The following PLEKHM3 variants were observed in gnomAD, a reference collection of about 807,000 sequenced individuals.
The protein encoded by PLEKHM3 is pleckstrin homology domain-containing family M member 3.
PLEKHM3 carries 45 observed loss-of-function variants against 81.8 expected under a neutral mutation model. The observed-to-expected ratio is 0.55, with a 90% confidence interval of 0.43 to 0.71. The LOEUF (loss-of-function observed/expected upper bound fraction) is 0.71, where lower values mean the gene tolerates loss of function less well. PLEKHM3 is among the 30% of genes least tolerant of loss of function. The pLI, the probability that PLEKHM3 is intolerant of heterozygous loss-of-function variation, is 0.00. For synonymous variants in PLEKHM3, 352 were observed against 356.4 expected (o/e 0.99, Z 0.14); for missense variants, 788 against 924.3 (o/e 0.85, Z 1.91).
rs915651218 is a variant in PLEKHM3 at position 207,976,135 on chromosome 2, C to A, written c.1546+516G>T. ...CATCATTTACTCCGCTTTTAGCCACCCCCACATTTTCTGTCAAGACTGATT... is the reference window on the plus strand; with the variant it reads ...CATCATTTACTCCGCTTTTAGCCACACCCACATTTTCTGTCAAGACTGATT... On this transcript the variant is annotated intron_variant, in intron 3 of 7. Transcript: ENST00000427836. This position sits in a 1 kb window ranked among gnomAD's most constrained non-coding sequence, Gnocchi z 4.1. 2.0e-5 allele frequency among the ~76,000 whole-genome samples: 3 copies of A among 152,134 alleles called. No homozygotes were observed. Among genetic ancestry groups the A allele is most frequent in the African/African-American group, 7.2e-5 (3 of 41,414 alleles).
intron 7 of PLEKHM3, among the ~76,000 whole-genome samples, chr2:207,859,114 T>C (rs1213554402): frequency 1.3e-5 from 2 of 151,296 alleles, no homozygotes; most frequent in African/African-American, 4.9e-5. Flanking sequence ...TTGCAGCATG[T>C]ATCAGTACGT....
intron 6 of PLEKHM3, among the ~76,000 whole-genome samples, chr2:207,865,887 GATC>G (rs1463258207): frequency 1.5e-5 from 2 of 130,496 alleles, no homozygotes; most frequent in Admixed American, 8.5e-5. Flanking sequence ...ATGTAAATAT[GATC>G]ATATAATATG....
chr2:207,941,690 C>A (rs1439328502), intron 4 of PLEKHM3, among the ~76,000 whole-genome samples: 1 of 152,050 alleles, frequency 6.6e-6, no homozygotes, highest in Non-Finnish European at 1.5e-5. Context: ...AGACAATGTA[C>A]AAAATGGAAG....
chr2:208,001,765 G>A lies in PLEKHM3; in HGVS notation c.-126C>T. 2 of 1,469,124 alleles carry A rather than the reference G, an allele frequency of 1.4e-6. No individual in the cohort carries two copies. The highest frequency in any genetic ancestry group is 1.8e-6 in the Non-Finnish European group (2 of 1,106,926). The allele number at this position is 1,469,124 out of a possible 1,614,324, so 91.0% of individuals were successfully genotyped here. On this transcript the variant is annotated 5_prime_UTR_variant, in exon 2 of 8. Coordinates refer to ENST00000427836, the MANE Select transcript of PLEKHM3 (RefSeq NM_001080475.3). ...GAAACAACTGGAAGAAACCTTCATT[G>A]GGCTCCCTGGAGCAGGCCAAACCCA...
intron 7 of PLEKHM3, among the ~76,000 whole-genome samples, chr2:207,837,761 ATTTT>A (rs1194861994): frequency 0.42 from 31,531 of 75,598 alleles, 9,080 homozygotes; most frequent in African/African-American, 0.57. Flanking sequence ...CGGTTCTTCC[ATTTT>A]TTTTTTTTTT....
chr2:207,881,494 G>A (rs1053833647), intron 6 of PLEKHM3, among the ~76,000 whole-genome samples: 2 of 152,180 alleles, frequency 1.3e-5, no homozygotes, highest in African/African-American at 4.8e-5. Flanking sequence ...CGGAGGAGCT[G>A]GGACTCAAAC....
intron 6 of PLEKHM3, among the ~76,000 whole-genome samples, chr2:207,866,070 T>A (rs2092499083): frequency 6.6e-6 from 1 of 151,936 alleles, no homozygotes. Flanking sequence ...TAGATGTCAG[T>A]CTTTTTTCTT....
Position 207,974,288 on chromosome 2 carries a change from G to A in PLEKHM3, c.1546+2363C>T, listed in dbSNP as rs538193026. Reference sequence around the variant, plus strand: ...TCCTGATTTCATTTCTCCAGCTGCCGGATGCGAATGAGCTTGCTGAATGGC... The same window carrying A: ...TCCTGATTTCATTTCTCCAGCTGCCAGATGCGAATGAGCTTGCTGAATGGC... On this transcript the variant is annotated intron_variant, in intron 3 of 7. Transcript: ENST00000427836. Among the ~76,000 whole-genome samples, 677 of 152,058 alleles carry A rather than the reference G, an allele frequency of 4.5e-3. 3 individuals are homozygous for A. The highest frequency in any genetic ancestry group is 7.9e-3 in the Non-Finnish European group (537 of 68,012).
At chr2:208,015,910 C>G (rs1484366933) in intron 1 of PLEKHM3, among the ~76,000 whole-genome samples, 2 of 152,162 alleles carry the variant, frequency 1.3e-5, no homozygotes, top group African/African-American at 2.4e-5. Flanking sequence ...AAATAAATCG[C>G]TGGCCAGGCA....
Position 208,021,409 on chromosome 2 carries a change from T to TA in PLEKHM3, c.-319+3979dup, listed in dbSNP as rs551660765. Among the ~76,000 whole-genome samples the TA allele has an allele frequency of 2.6e-3, 398 of 152,362 alleles. 2 individuals carry two copies. The highest frequency in any genetic ancestry group is 9.0e-3 in the African/African-American group (374 of 41,592). ...ATCCTTCTACCATGAAGCTTTCACTTATTACCCTACTGAGAAATAAGTTTC... is the reference window on the plus strand; with the variant it reads ...ATCCTTCTACCATGAAGCTTTCACTTAATTACCCTACTGAGAAATAAGTTTC... On this transcript the variant is annotated intron_variant, in intron 1 of 7. Coordinates refer to ENST00000427836, the MANE Select transcript of PLEKHM3 (RefSeq NM_001080475.3).
At chr2:207,915,460 C>T (rs564985625) in intron 5 of PLEKHM3, among the ~76,000 whole-genome samples, 3 of 152,084 alleles carry the variant, frequency 2.0e-5, no homozygotes, top group African/African-American at 7.2e-5. Flanking sequence ...CCAGTGCTCA[C>T]GAGAAAAAAG....
At chr2:207,974,514 A>G (rs564132016) in intron 3 of PLEKHM3, among the ~76,000 whole-genome samples, 1 of 152,284 alleles carries the variant, frequency 6.6e-6, no homozygotes, top group Admixed American at 6.5e-5. Context: ...CAATCTCCAC[A>G]TCTTGAGAAC....
chr2:207,985,821 C>T (rs1369506068), intron 2 of PLEKHM3, among the ~76,000 whole-genome samples: 1 of 151,924 alleles, frequency 6.6e-6, no homozygotes, highest in Non-Finnish European at 1.5e-5. Context: ...CCCGTCTCTA[C>T]TAAAAATACC....
Position 207,931,959 on chromosome 2 carries a change from C to T in PLEKHM3, c.1693-840G>A, listed in dbSNP as rs924388210. 3.9e-5 allele frequency among the ~76,000 whole-genome samples: 6 copies of T among 152,098 alleles called. No homozygotes were observed. In the South Asian group the frequency reaches 1.0e-3, roughly 26 times the overall value. On this transcript the variant is annotated intron_variant, in intron 4 of 7. Transcript: ENST00000427836. The stretch of plus-strand genomic sequence containing the variant: ...CTGCACTCCAGCCTGGGCAACAGAG[C>T]GAGACTCCATCTAACAAACAAACAA...
At chr2:207,920,581 A>G (rs1171894795) in intron 5 of PLEKHM3, among the ~76,000 whole-genome samples, 3 of 21,830 alleles carry the variant, frequency 1.4e-4, no homozygotes, top group Non-Finnish European at 3.5e-4. Flanking sequence ...AAATGAGAGA[A>G]AAAAAAATGT....
chr2:207,842,155 C>T (rs2092358199), intron 7 of PLEKHM3, among the ~76,000 whole-genome samples: 1 of 152,116 alleles, frequency 6.6e-6, no homozygotes, highest in Non-Finnish European at 1.5e-5. Flanking sequence ...GCCAGGATGG[C>T]CTCGATCTGA....
intron 3 of PLEKHM3, among the ~76,000 whole-genome samples, chr2:207,964,801 A>G (rs982663448): frequency 6.6e-6 from 1 of 152,176 alleles, no homozygotes; most frequent in African/African-American, 2.4e-5. Context: ...TTATGTTAAC[A>G]TATTTCAAGG....
At position 207,828,283 on chromosome 2, in the gene PLEKHM3, T is replaced by G. The variant is rs1559197294; in HGVS notation, c.*36A>C. ...GGCCGCTCTGGGGCTGATGGATTGT[T>G]GATTGGTGAATCCCTGGCCTTCGGG... On this transcript the variant is annotated 3_prime_UTR_variant, in exon 8 of 8. Transcript: ENST00000427836. 1 of 1,589,266 alleles carries G rather than the reference T, an allele frequency of 6.3e-7. No individual in the cohort carries two copies. The highest frequency in any genetic ancestry group is 2.2e-5 in the East Asian group (1 of 44,566).
intron 7 of PLEKHM3, among the ~76,000 whole-genome samples, chr2:207,845,055 G>T (rs949053153): frequency 1.3e-5 from 2 of 152,206 alleles, no homozygotes; most frequent in Admixed American, 6.5e-5. Context: ...GAGCTGAAAT[G>T]ATAATTATTA....
Sources: gnomAD v4.1 joint callset for allele counts (sites outside exome capture counted in the v4.1 genomes callset) on GRCh38, gnomAD v4.1.1 for gene constraint, Gnocchi (gnomAD v3.1) non-coding constraint, MANE v1.5 for transcripts, NCBI Gene and HGNC (gene_info 2026-07-23, HGNC 2026-07-21) for gene names.